PLPP1: variants seen among roughly 807,000 people sequenced by gnomAD.
PLPP1 encodes the protein phospholipid phosphatase 1.
PLPP1 carries 24 observed loss-of-function variants against 31.2 expected under a neutral mutation model. The observed-to-expected ratio is 0.77, with a 90% CI of 0.56 to 1.08. PLPP1 has a LOEUF of 1.08. Among genes scored for constraint, PLPP1 ranks in the 50% least tolerant of loss-of-function variants. The probability of loss-of-function intolerance (pLI) is 0.00; values close to 1 mark genes in which losing one functional copy is unlikely to be tolerated. For synonymous variants in PLPP1, 146 were observed against 126.3 expected (o/e 1.16, Z -1.05); for missense variants, 319 against 342.7 (o/e 0.93, Z 0.55).
At chr5:55,475,227 C>T in intron 2 of PLPP1, 72 bp downstream of exon 2, 3 of 1,305,144 alleles carry the variant, frequency 2.3e-6, no homozygotes, top group East Asian at 2.5e-5. Context: ...CACATTTAAG[C>T]ATTAAAAGAG....
chr5:55,431,506 AAAC>A (rs1410323340), intron 4 of PLPP1, among the ~76,000 whole-genome samples: 1 of 151,822 alleles, frequency 6.6e-6, no homozygotes, highest in African/African-American at 2.4e-5. Context: ...CATGAAAATT[AAAC>A]AACATGCTCC....
Position 55,491,872 on chromosome 5 carries a change from AAAAAGAAAG to A in PLPP1, c.59-16431_59-16423del, listed in dbSNP as rs1303161480. ...GACTCAATCTCAGGAAAAAAAAAAAAAAAAGAAAGAAAAGAAAGAAAAAGAGAGAGAAAG... is the reference window on the plus strand; with the variant it reads ...GACTCAATCTCAGGAAAAAAAAAAAAAAAAGAAAGAAAAAGAGAGAGAAAG... On this transcript the variant is annotated intron_variant, in intron 1 of 5. Transcript: ENST00000307259. Among the ~76,000 whole-genome samples, 882 of 147,410 alleles carry A rather than the reference AAAAAGAAAG, an allele frequency of 6.0e-3. 13 individuals carry two copies. Among genetic ancestry groups the A allele is most frequent in the African/African-American group, 0.021 (840 of 39,984 alleles).
chr5:55,493,988 T>C (rs1347163436), intron 1 of PLPP1, among the ~76,000 whole-genome samples: 1 of 151,874 alleles, frequency 6.6e-6, no homozygotes, highest in East Asian at 1.9e-4. Flanking sequence ...GAGGCTACGG[T>C]GAGCCATGAT....
chr5:55,450,551 G>T (rs1378854414), intron 3 of PLPP1, among the ~76,000 whole-genome samples: 1 of 152,146 alleles, frequency 6.6e-6, no homozygotes, highest in Non-Finnish European at 1.5e-5. Flanking sequence ...GGGAAACTTG[G>T]TGACTACTGT....
chr5:55,434,739 G>A (rs928518742), intron 4 of PLPP1, among the ~76,000 whole-genome samples: 1 of 152,108 alleles, frequency 6.6e-6, no homozygotes, highest in Non-Finnish European at 1.5e-5. Flanking sequence ...GAATGAAATT[G>A]GACCCCTATC....
intron 3 of PLPP1, among the ~76,000 whole-genome samples, chr5:55,457,673 A>G (rs912878809): frequency 1.3e-5 from 2 of 152,070 alleles, no homozygotes; most frequent in Non-Finnish European, 2.9e-5. Flanking sequence ...GGCAGATCAC[A>G]AGGTCAGCAG....
chr5:55,505,896 A>T (rs540116161), intron 1 of PLPP1, among the ~76,000 whole-genome samples: 1 of 152,260 alleles, frequency 6.6e-6, no homozygotes, highest in East Asian at 1.9e-4. Flanking sequence ...ATCTCTACTA[A>T]AATCACAAAA....
intron 1 of PLPP1, among the ~76,000 whole-genome samples, chr5:55,517,624 A>G (rs1000264864): frequency 1.3e-5 from 2 of 152,206 alleles, no homozygotes; most frequent in Non-Finnish European, 2.9e-5. Flanking sequence ...TGACCAACCT[A>G]AAGAGCAAAT....
intron 1 of PLPP1, among the ~76,000 whole-genome samples, chr5:55,513,435 A>AT (rs1278085093): frequency 2.0e-5 from 3 of 150,470 alleles, no homozygotes; most frequent in African/African-American, 2.4e-5. Context: ...TAATTTTTGT[A>AT]TTTTTTTTCT....
chr5:55,439,614 A>G (rs1751574322), intron 4 of PLPP1, among the ~76,000 whole-genome samples: 1 of 152,188 alleles, frequency 6.6e-6, no homozygotes. Context: ...GATATCCTTC[A>G]TATGTGGCTG....
At chr5:55,500,620 T>G (rs961683037) in intron 1 of PLPP1, among the ~76,000 whole-genome samples, 1 of 140,516 alleles carries the variant, frequency 7.1e-6, no homozygotes, top group Admixed American at 7.5e-5. Flanking sequence ...ATCATCACAT[T>G]TGAAGTTTTA....
chr5:55,522,746 C>T (rs535404356), intron 1 of PLPP1, among the ~76,000 whole-genome samples: 2 of 147,692 alleles, frequency 1.4e-5, no homozygotes, highest in Admixed American at 6.8e-5. Context: ...GTTTTTGAGA[C>T]GGAGCCTCAC....
At chr5:55,465,002 T>C (rs185950888) in intron 3 of PLPP1, among the ~76,000 whole-genome samples, 85 of 152,054 alleles carry the variant, frequency 5.6e-4, no homozygotes, top group African/African-American at 1.9e-3. Context: ...TTTTTTCCTT[T>C]GTGATTTAAA....
chr5:55,452,529 A>G (rs1350455109), intron 3 of PLPP1, among the ~76,000 whole-genome samples: 1 of 152,226 alleles, frequency 6.6e-6, no homozygotes, highest in Admixed American at 6.5e-5. Flanking sequence ...TAGCAATGCA[A>G]AACAGTGTAA....
intron 1 of PLPP1, among the ~76,000 whole-genome samples, chr5:55,526,838 A>G (rs1333773038): frequency 6.9e-6 from 1 of 145,378 alleles, no homozygotes; most frequent in African/African-American, 2.5e-5. Flanking sequence ...AGGCTGAGGC[A>G]GGAGAATGGC....
chr5:55,437,670 A>C (rs1046870001), intron 4 of PLPP1, among the ~76,000 whole-genome samples: 3 of 152,216 alleles, frequency 2.0e-5, no homozygotes. Flanking sequence ...ACATTTGATG[A>C]CAGATCTGTC....
intron 1 of PLPP1, among the ~76,000 whole-genome samples, chr5:55,501,458 T>C (rs148893676): frequency 5.5e-4 from 65 of 117,634 alleles, no homozygotes; most frequent in Non-Finnish European, 1.0e-3. Context: ...CTTGCAACTT[T>C]AGAGATCTAT....
At chr5:55,428,861 T>C (rs563080195) in intron 4 of PLPP1, among the ~76,000 whole-genome samples, 3 of 152,232 alleles carry the variant, frequency 2.0e-5, no homozygotes, top group East Asian at 3.9e-4. Flanking sequence ...CTTTTAAGAG[T>C]AGGAACTTAA....
chr5:55,493,874 C>T lies in PLPP1; in HGVS notation c.59-18424G>A, dbSNP rs1470161983. 9.8e-5 allele frequency among the ~76,000 whole-genome samples: 14 copies of T among 142,964 alleles called. No individual in the cohort carries two copies. The East Asian group carries it at 2.4e-3, about 25-fold the overall frequency. The allele number at this position is 142,964 out of a possible 152,430, so 93.8% of individuals were successfully genotyped here. A position where few individuals can be genotyped will look rare whatever the true frequency, so the allele number is the denominator to read the frequency against. On this transcript the variant is annotated intron_variant, in intron 1 of 5. Transcript: ENST00000307259. ...CAGCCTGGGCGACAGAGCGAGACTC[C>T]ATCTCAAAAAAAAAAAAAAAAAATA...
Sources: gnomAD v4.1 joint callset for allele counts (sites outside exome capture counted in the v4.1 genomes callset) on GRCh38, gnomAD v4.1.1 for gene constraint, MANE v1.5 for transcripts, NCBI Gene and HGNC (gene_info 2026-07-23, HGNC 2026-07-21) for gene names.